The following CDH13 variants were observed in gnomAD, a reference collection of about 807,000 sequenced individuals.
The protein encoded by CDH13 is cadherin-13.
CDH13 carries 24 observed loss-of-function variants against 63.8 expected under a neutral mutation model. That is an observed-to-expected ratio of 0.38 (90% CI 0.27 to 0.53). CDH13 has a LOEUF of 0.53. CDH13 is among the 20% of genes least tolerant of loss of function. The pLI, the probability that CDH13 is intolerant of heterozygous loss-of-function variation, is 0.85. For missense variants in CDH13, 1,049 were observed against 903.1 expected (o/e 1.16, Z -2.07); for synonymous variants, 503 against 355.3 (o/e 1.42, Z -4.67).
chr16:83,342,006 C>G (rs1308412072), intron 5 of CDH13, among the ~76,000 whole-genome samples: 4 of 151,310 alleles, frequency 2.6e-5, no homozygotes, highest in African/African-American at 9.7e-5. Flanking sequence ...CACACACACA[C>G]ACACACACAC....
chr16:83,042,374 C>G (rs1401588227), intron 3 of CDH13, among the ~76,000 whole-genome samples: 1 of 152,122 alleles, frequency 6.6e-6, no homozygotes, highest in Non-Finnish European at 1.5e-5. Flanking sequence ...ATTGCACATG[C>G]AAGAGATCTA....
At chr16:83,409,575 T>A (rs1191735768) in intron 6 of CDH13, among the ~76,000 whole-genome samples, 1 of 152,230 alleles carries the variant, frequency 6.6e-6, no homozygotes, top group Admixed American at 6.5e-5. Flanking sequence ...AGTTTCACCA[T>A]CAATATTGAT....
At chr16:82,745,076 G>T (rs2034100980) in intron 1 of CDH13, among the ~76,000 whole-genome samples, 1 of 152,182 alleles carries the variant, frequency 6.6e-6, no homozygotes, top group Non-Finnish European at 1.5e-5. Context: ...TTAGAGTTCA[G>T]ATTAAAACTC....
At chr16:82,911,815 C>A (rs74032603) in intron 2 of CDH13, among the ~76,000 whole-genome samples, 41 of 152,202 alleles carry the variant, frequency 2.7e-4, no homozygotes, top group Non-Finnish European at 5.1e-4. Context: ...CTGGCTTTTA[C>A]CACCAAATTC....
chr16:83,113,962 G>A (rs1166027278), intron 3 of CDH13, among the ~76,000 whole-genome samples: 3 of 151,262 alleles, frequency 2.0e-5, no homozygotes, highest in Middle Eastern at 6.8e-3. Context: ...GCTTAATGAC[G>A]GGGAGAAGAA....
At chr16:83,000,894 A>G (rs1175226997) in intron 2 of CDH13, among the ~76,000 whole-genome samples, 1 of 152,116 alleles carries the variant, frequency 6.6e-6, no homozygotes, top group Non-Finnish European at 1.5e-5. Flanking sequence ...TCTGTTAAGG[A>G]CAGAACATGA....
At chr16:83,789,631 G>GA (rs111525663) in intron 13 of CDH13, among the ~76,000 whole-genome samples, 19,397 of 152,010 alleles carry the variant, frequency 0.13, 2,034 homozygotes, top group African/African-American at 0.29. Flanking sequence ...TTACAGGCGT[G>GA]AGCCACCACG....
intron 1 of CDH13, among the ~76,000 whole-genome samples, chr16:82,748,702 C>G (rs554415537): frequency 6.6e-6 from 1 of 152,300 alleles, no homozygotes; most frequent in East Asian, 1.9e-4. Context: ...AGATCAGAAT[C>G]TACCTAGAGA....
chr16:83,060,893 A>T (rs953310291), intron 3 of CDH13, among the ~76,000 whole-genome samples: 1 of 152,120 alleles, frequency 6.6e-6, no homozygotes, highest in Non-Finnish European at 1.5e-5. Flanking sequence ...TCCAACTGGT[A>T]CTACTTGATA....
At chr16:83,460,112 C>G (rs755051655) in intron 6 of CDH13, among the ~76,000 whole-genome samples, 6 of 152,134 alleles carry the variant, frequency 3.9e-5, no homozygotes, top group Non-Finnish European at 4.4e-5. Context: ...AGTCATTTCA[C>G]AGAATAAGAA....
chr16:83,127,003 G>C (rs560866134), intron 4 of CDH13, among the ~76,000 whole-genome samples: 1 of 152,314 alleles, frequency 6.6e-6, no homozygotes, highest in South Asian at 2.1e-4. Context: ...AGATGGCTGT[G>C]ATGGCTGGTT....
intron 1 of CDH13, among the ~76,000 whole-genome samples, chr16:82,775,810 G>T (rs908206407): frequency 6.6e-5 from 10 of 152,162 alleles, no homozygotes; most frequent in African/African-American, 2.4e-4. Context: ...TGGGTGCAAG[G>T]TGAGGGACAT....
intron 4 of CDH13, among the ~76,000 whole-genome samples, chr16:83,199,935 G>T (rs892553848): frequency 6.6e-6 from 1 of 152,150 alleles, no homozygotes; most frequent in Non-Finnish European, 1.5e-5. Flanking sequence ...TGCACCACGG[G>T]GGCAGGAATG....
chr16:82,908,572 C>G (rs529441160), intron 2 of CDH13, among the ~76,000 whole-genome samples: 1 of 152,272 alleles, frequency 6.6e-6, no homozygotes, highest in South Asian at 2.1e-4. Flanking sequence ...TTAAATAGTT[C>G]AGAAAAACAG....
intron 7 of CDH13, among the ~76,000 whole-genome samples, chr16:83,534,535 A>G (rs757737022): frequency 3.0e-4 from 45 of 152,368 alleles, no homozygotes; most frequent in Non-Finnish European, 5.3e-4. Flanking sequence ...ATGAATGTAC[A>G]TGGCTTGACT....
chr16:83,619,260 G>C (rs916341417), intron 8 of CDH13, among the ~76,000 whole-genome samples: 2 of 152,192 alleles, frequency 1.3e-5, no homozygotes, highest in African/African-American at 2.4e-5. Context: ...CTGACCTCAC[G>C]AAGCATGGCT....
In CDH13 at chr16:82,858,491, A is replaced by T. The variant is rs933981673; in HGVS notation, c.157+18A>T. 1 of 1,439,418 alleles carries T rather than the reference A, an allele frequency of 6.9e-7. No individual in the cohort carries two copies. The highest frequency in any genetic ancestry group is 1.4e-5 in the African/African-American group (1 of 71,650). The allele number at this position is 1,439,418 out of a possible 1,614,324, so 89.2% of individuals were successfully genotyped here. A position where few individuals can be genotyped will look rare whatever the true frequency, so the allele number is the denominator to read the frequency against. On this transcript the variant is annotated intron_variant, in intron 2 of 13. Transcript: ENST00000567109. ...TCTAAACTGTAAGCAATGTCACTCAAAGATGCTTTTAGACTCTTCTCATAT... is the reference window on the plus strand; with the variant it reads ...TCTAAACTGTAAGCAATGTCACTCATAGATGCTTTTAGACTCTTCTCATAT...
intron 7 of CDH13, among the ~76,000 whole-genome samples, chr16:83,512,189 C>T (rs531972317): frequency 2.6e-5 from 4 of 151,374 alleles, no homozygotes; most frequent in South Asian, 2.1e-4. Context: ...GACATGGTGG[C>T]GGGTGCCTGT....
chr16:82,818,175 T>G (rs1475495862), intron 1 of CDH13, among the ~76,000 whole-genome samples: 4 of 151,878 alleles, frequency 2.6e-5, no homozygotes, highest in African/African-American at 9.7e-5. Flanking sequence ...GATTTACATG[T>G]AGTTTCCCTT....
Sources: allele counts gnomAD v4.1 joint callset (sites outside exome capture counted in the v4.1 genomes callset), GRCh38; gene constraint gnomAD v4.1.1; transcripts MANE v1.5; gene names NCBI Gene and HGNC (gene_info 2026-07-23, HGNC 2026-07-21).